Variants in RASGRP3 observed in about 807,000 individuals in gnomAD.
The protein encoded by RASGRP3 is ras guanyl-releasing protein 3.
RASGRP3 carries 54 observed loss-of-function variants against 82.7 expected under a neutral mutation model. That is an observed-to-expected ratio of 0.65 (90% CI 0.52 to 0.82). The LOEUF (loss-of-function observed/expected upper bound fraction) is 0.82. Among genes scored for constraint, RASGRP3 ranks in the 40% least tolerant of loss-of-function variants. RASGRP3 has a pLI of 0.00. For synonymous variants in RASGRP3, 309 were observed against 300.5 expected, an observed-to-expected ratio of 1.03 and a Z score of -0.29; for missense variants, 861 against 828.9, an observed-to-expected ratio of 1.04 and a Z score of -0.48.
At chr2:33,528,134 T>A (rs1480662340) in intron 10 of RASGRP3, among the ~76,000 whole-genome samples, 1 of 152,208 alleles carries the variant, frequency 6.6e-6, no homozygotes, top group East Asian at 1.9e-4. Context: ...ATCTGTCACA[T>A]CACCCTGGCA....
At chr2:33,436,997 G>A (rs1335998989) in intron 1 of RASGRP3, among the ~76,000 whole-genome samples, 2 of 151,862 alleles carry the variant, frequency 1.3e-5, no homozygotes, top group Admixed American at 6.6e-5. Flanking sequence ...TTAATAAATA[G>A]GCCTTCAAGC....
chr2:33,523,362 G>A (rs557669410), intron 7 of RASGRP3, among the ~76,000 whole-genome samples: 68 of 152,080 alleles, frequency 4.5e-4, no homozygotes, highest in Non-Finnish European at 6.0e-4. Flanking sequence ...CTACTCAGGA[G>A]GCTGAGGCAG....
At chr2:33,558,526 G>T in intron 16 of RASGRP3, 146 bp from the exon 17 acceptor site, 2 of 1,117,746 alleles carry the variant, frequency 1.8e-6, no homozygotes, top group Admixed American at 5.6e-5. Context: ...TCAGGAATAT[G>T]TAACTTGCCT....
intron 11 of RASGRP3, among the ~76,000 whole-genome samples, chr2:33,537,584 C>T (rs1673779468): frequency 6.6e-6 from 1 of 152,134 alleles, no homozygotes; most frequent in Non-Finnish European, 1.5e-5. Context: ...TGGTCTCAAA[C>T]TCCTGGCCTC....
At chr2:33,450,760 G>A (rs1665739289) in intron 2 of RASGRP3, among the ~76,000 whole-genome samples, 1 of 143,348 alleles carries the variant, frequency 7.0e-6, no homozygotes, top group African/African-American at 2.5e-5. Flanking sequence ...TGAAGTATAT[G>A]ATAGTTCTAT....
intron 1 of RASGRP3, among the ~76,000 whole-genome samples, chr2:33,479,456 A>C (rs568685871): frequency 4.3e-4 from 66 of 152,224 alleles, no homozygotes; most frequent in African/African-American, 1.6e-3. Flanking sequence ...GTGTTGATAA[A>C]GCTATTATCA....
At chr2:33,500,719 A>C (rs1474892831) in intron 1 of RASGRP3, among the ~76,000 whole-genome samples, 1 of 152,178 alleles carries the variant, frequency 6.6e-6, no homozygotes, top group Non-Finnish European at 1.5e-5. Context: ...GCGGATCACA[A>C]GGTCAGGAGT....
chr2:33,438,502 C>T (rs1257683677), intron 1 of RASGRP3, among the ~76,000 whole-genome samples: 1 of 149,736 alleles, frequency 6.7e-6, no homozygotes, highest in Non-Finnish European at 1.5e-5. Context: ...GTGGAGGTTG[C>T]AGTGAGCCGG....
intron 9 of RASGRP3, among the ~76,000 whole-genome samples, chr2:33,525,781 G>A (rs1267105835): frequency 6.6e-6 from 1 of 151,502 alleles, no homozygotes; most frequent in Non-Finnish European, 1.5e-5. Context: ...GGAGGCTGAG[G>A]TGGAATGATC....
intron 4 of RASGRP3, among the ~76,000 whole-genome samples, chr2:33,518,612 C>G (rs77748335): frequency 0.027 from 4,124 of 152,120 alleles, 81 homozygotes; most frequent in Non-Finnish European, 0.043. Flanking sequence ...CTTTTTAGTC[C>G]TTTTGTAATA....
chr2:33,495,140 CAGT>C (rs1309091290), intron 1 of RASGRP3, among the ~76,000 whole-genome samples: 1 of 152,162 alleles, frequency 6.6e-6, no homozygotes, highest in Non-Finnish European at 1.5e-5. Context: ...TCTGTGGTGT[CAGT>C]AGGTAGCCCA....
At chr2:33,508,660 G>A (rs542450862) in intron 1 of RASGRP3, among the ~76,000 whole-genome samples, 3 of 152,284 alleles carry the variant, frequency 2.0e-5, no homozygotes, top group Non-Finnish European at 2.9e-5. Flanking sequence ...GACGTTTATC[G>A]AGAGGAGAAA....
chr2:33,477,225 AG>A (rs1667456065), intron 1 of RASGRP3, among the ~76,000 whole-genome samples: 1 of 152,212 alleles, frequency 6.6e-6, no homozygotes, highest in African/African-American at 2.4e-5. Context: ...TTAACTGTGT[AG>A]AACTGTCTGC....
chr2:33,539,354 A>G (rs1428724179), intron 12 of RASGRP3, 144 bp downstream of exon 12: 2 of 650,366 alleles, frequency 3.1e-6, no homozygotes, highest in East Asian at 2.8e-5. Context: ...ACTTAGTCCT[A>G]CCAGGCATTG....
At chr2:33,456,967 A>G (rs1455877670) in intron 2 of RASGRP3, among the ~76,000 whole-genome samples, 4 of 139,496 alleles carry the variant, frequency 2.9e-5, no homozygotes, top group African/African-American at 1.1e-4. Flanking sequence ...GCAGTGGCCT[A>G]TCTTAGCTCA....
chr2:33,484,982 T>C (rs1162072075), intron 1 of RASGRP3, among the ~76,000 whole-genome samples: 2 of 152,284 alleles, frequency 1.3e-5, no homozygotes, highest in African/African-American at 2.4e-5. Context: ...GTGGATCACC[T>C]GAGGTCGGGA....
At chr2:33,456,578 G>A (rs534292308) in intron 2 of RASGRP3, among the ~76,000 whole-genome samples, 47 of 152,148 alleles carry the variant, frequency 3.1e-4, no homozygotes, top group African/African-American at 1.0e-3. Context: ...TCTTATTCCT[G>A]TTGAAAATTT....
At chr2:33,470,289 A>T (rs145068149) in intron 2 of RASGRP3, among the ~76,000 whole-genome samples, 160 of 152,292 alleles carry the variant, frequency 1.1e-3, no homozygotes, top group African/African-American at 3.8e-3. Flanking sequence ...TTTTCTCAGT[A>T]AAGTTACATT....
chr2:33,508,519 A>C (rs1270546967), intron 1 of RASGRP3, among the ~76,000 whole-genome samples: 3 of 152,188 alleles, frequency 2.0e-5, no homozygotes, highest in African/African-American at 4.8e-5. Context: ...AGACCCCCCA[A>C]AAAGGGCATC....
Sources: allele counts gnomAD v4.1 joint callset (sites outside exome capture counted in the v4.1 genomes callset), GRCh38; gene constraint gnomAD v4.1.1; transcripts MANE v1.5; gene names NCBI Gene and HGNC (gene_info 2026-07-23, HGNC 2026-07-21).